The following ZNF33A variants were observed in gnomAD, a reference collection of about 807,000 sequenced individuals.
The protein encoded by ZNF33A is zinc finger protein 33A, also known as brain my041 protein.
Under a neutral mutation model 15.9 loss-of-function variants are expected in ZNF33A, and 9 were observed. That is an observed-to-expected ratio of 0.57 (90% CI 0.34 to 0.99). The LOEUF (loss-of-function observed/expected upper bound fraction) is 0.99. Ranked by LOEUF, ZNF33A falls within the 50% of genes least tolerant of loss-of-function variation. ZNF33A has a pLI of 0.02. For synonymous variants in ZNF33A, 294 were observed against 324.2 expected, an observed-to-expected ratio of 0.91 and a Z score of 1.00; for missense variants, 843 against 941.6, an observed-to-expected ratio of 0.90 and a Z score of 1.37.
At chr10:38,019,449 T>A (rs1257089093) in intron 4 of ZNF33A, among the ~76,000 whole-genome samples, 1 of 152,182 alleles carries the variant, frequency 6.6e-6, no homozygotes, top group African/African-American at 2.4e-5. Flanking sequence ...TAAACATACG[T>A]GTGCATGTGT....
At chr10:38,064,078 T>C (rs577175107), downstream of ZNF33A, 21 of 1,596,854 alleles carry the variant, frequency 1.3e-5, no homozygotes, top group South Asian at 2.3e-4. Flanking sequence ...CCATCCTTAC[T>C]CCCTCCCAGG....
At chr10:38,012,532 A>G (rs1415641806) in intron 2 of ZNF33A, among the ~76,000 whole-genome samples, 182 bp downstream of exon 2, 1 of 149,256 alleles carries the variant, frequency 6.7e-6, no homozygotes, top group Non-Finnish European at 1.5e-5. Flanking sequence ...CCCGGGTTCA[A>G]GCAATTCTCC....
chr10:38,039,958 A>G (rs770128735), intron 4 of ZNF33A, among the ~76,000 whole-genome samples: 6 of 151,650 alleles, frequency 4.0e-5, no homozygotes, highest in Non-Finnish European at 5.9e-5. Context: ...TAAGGTGGAA[A>G]ATTAGTTTAC....
intron 4 of ZNF33A, among the ~76,000 whole-genome samples, chr10:38,025,128 T>C (rs11011426): frequency 0.098 from 14,879 of 152,298 alleles, 961 homozygotes; most frequent in Admixed American, 0.18. Flanking sequence ...GGCTCAATAC[T>C]ATCTGAGGTT....
At chr10:38,028,182 C>A (rs2065060314) in intron 4 of ZNF33A, among the ~76,000 whole-genome samples, 1 of 151,938 alleles carries the variant, frequency 6.6e-6, no homozygotes, top group Non-Finnish European at 1.5e-5. Context: ...GGAGGAGGAT[C>A]CCTTGAGCCC....
At chr10:38,051,485 T>C (rs1357752973) in intron 4 of ZNF33A, among the ~76,000 whole-genome samples, 1 of 152,122 alleles carries the variant, frequency 6.6e-6, no homozygotes, top group Non-Finnish European at 1.5e-5. Context: ...CAAGAATACA[T>C]GTTACTTTCA....
chr10:38,012,281 C>T lies in ZNF33A; in HGVS notation c.-44-17C>T. On this transcript the variant is annotated splice_polypyrimidine_tract_variant and intron_variant, in intron 1 of 4. Coordinates refer to ENST00000432900, the MANE Select transcript of ZNF33A (RefSeq NM_006954.2). Reference sequence around the variant, plus strand: ...GGCCAAATCTTTCATGACCCCATTCCTCTTTTTCTAACTCAGCTGTATCTT... The same window carrying T: ...GGCCAAATCTTTCATGACCCCATTCTTCTTTTTCTAACTCAGCTGTATCTT... 1 of 1,608,622 alleles carries T rather than the reference C, an allele frequency of 6.2e-7. No homozygotes were observed.
chr10:38,024,830 A>C (rs2064910473), intron 4 of ZNF33A, among the ~76,000 whole-genome samples: 1 of 152,244 alleles, frequency 6.6e-6, no homozygotes, highest in South Asian at 2.1e-4. Flanking sequence ...GAAATTTTGC[A>C]CTGTCCTGTC....
intron 4 of ZNF33A, among the ~76,000 whole-genome samples, chr10:38,024,398 T>G (rs2064894836): frequency 6.6e-6 from 1 of 152,110 alleles, no homozygotes. Context: ...AAAATGCTGA[T>G]GAAAGAAATA....
chr10:38,035,111 CTTTTTTTTTT>C (rs71007683), intron 4 of ZNF33A, among the ~76,000 whole-genome samples: 2 of 85,772 alleles, frequency 2.3e-5, no homozygotes, highest in Non-Finnish European at 4.0e-5. Flanking sequence ...CATTTACTTT[CTTTTTTTTTT>C]TTTTTTTTTT....
chr10:38,019,392 A>G (rs982453833), intron 4 of ZNF33A, among the ~76,000 whole-genome samples: 1 of 152,128 alleles, frequency 6.6e-6, no homozygotes, highest in African/African-American at 2.4e-5. Flanking sequence ...TTGTTGTTGG[A>G]CATTTGGGTT....
chr10:38,041,953 G>A (rs895803110), intron 4 of ZNF33A, among the ~76,000 whole-genome samples: 3 of 151,992 alleles, frequency 2.0e-5, no homozygotes, highest in Admixed American at 6.6e-5. Context: ...ATCTTCTTAA[G>A]TTTCCTCCCC....
chr10:38,042,487 A>AT (rs1293535670), intron 4 of ZNF33A, among the ~76,000 whole-genome samples: 3 of 105,894 alleles, frequency 2.8e-5, no homozygotes, highest in Non-Finnish European at 4.0e-5. Context: ...CAGCCACTCT[A>AT]TTTTTTTGCT....
intron 4 of ZNF33A, among the ~76,000 whole-genome samples, chr10:38,054,037 C>T (rs762161928): frequency 1.3e-5 from 2 of 152,302 alleles, no homozygotes; most frequent in Non-Finnish European, 2.9e-5. Flanking sequence ...ATTTGCTCCA[C>T]TTATGGTGAC....
rs1442102243 is a variant in ZNF33A, at chr10:38,056,766, C to T, written c.*206C>T. On this transcript the variant is annotated 3_prime_UTR_variant, in exon 5 of 5. Coordinates refer to ENST00000432900, the MANE Select transcript of ZNF33A (RefSeq NM_006954.2). The stretch of plus-strand genomic sequence containing the variant: ...AAATAAGGTTATGTTAGAATTTACA[C>T]TGAGGAGAAAATTGTCAATTTAAGA... 1.6e-6 allele frequency: 2 copies of T among 1,225,990 alleles called. No homozygotes were observed. The highest frequency in any genetic ancestry group is 6.5e-5 in the East Asian group (2 of 30,858). 75.9% of individuals were successfully genotyped at this position (1,225,990 alleles called of 1,614,324 possible).
In ZNF33A at chr10:38,054,505, T is replaced by G; in HGVS notation, c.381T>G (p.Asn127Lys). Residue 127 changes from asparagine to lysine, a missense_variant, in exon 5 of 5, where the codon AAT (asparagine) becomes AAG (lysine). Asn to Lys is a moderately conservative substitution (Grantham distance 94). Coordinates refer to ENST00000432900, the MANE Select transcript of ZNF33A (RefSeq NM_006954.2). ...GTGATGTAATAGGAATACCATTTAA[T>G]GTGGATGTAAGTTCTTTTCCTTCCA... ...EQGDVIGIPF[N>K]VDVSSFPSRK... 6.2e-7 allele frequency: 1 copy of G among 1,613,276 alleles called. No homozygotes were observed. The highest frequency in any genetic ancestry group is 8.5e-7 in the Non-Finnish European group (1 of 1,179,750).
chr10:38,062,531 C>T (rs571944217), downstream of ZNF33A, among the ~76,000 whole-genome samples: 70 of 152,186 alleles, frequency 4.6e-4, 1 homozygote, highest in Non-Finnish European at 5.3e-4. Context: ...ATTATGAGTG[C>T]GTGTGTATGG....
At chr10:38,065,610 G>A (rs921068301), downstream of ZNF33A, among the ~76,000 whole-genome samples, 5 of 152,112 alleles carry the variant, frequency 3.3e-5, no homozygotes, top group East Asian at 3.9e-4. Context: ...GGCAGATCCA[G>A]CCTCATTCTA....
Position 38,055,410 on chromosome 10 carries a change from C to T in ZNF33A, c.1286C>T (p.Thr429Ile). The T allele has an allele frequency of 1.2e-6, 2 of 1,614,032 alleles. No homozygotes were observed. Among genetic ancestry groups the T allele is most frequent in the Non-Finnish European group, 1.7e-6 (2 of 1,179,984 alleles). The stretch of plus-strand genomic sequence containing the variant: ...ACTTTTTGCCAGAAATCTGACCTCA[C>T]TAAACATCAGAGAACACACACAGGG... ...GKTFCQKSDL[T>I]KHQRTHTGLK... The change falls in exon 5 of 5, where the codon ACT (threonine) becomes ATT (isoleucine). Residue 429 changes from threonine (T) to isoleucine (I), a missense_variant. Coordinates refer to ENST00000432900, the MANE Select transcript of ZNF33A (RefSeq NM_006954.2).
Sources: gnomAD v4.1 joint callset for allele counts (sites outside exome capture counted in the v4.1 genomes callset) on GRCh38, gnomAD v4.1.1 for gene constraint, MANE v1.5 for transcripts, NCBI Gene and HGNC (gene_info 2026-07-23, HGNC 2026-07-21) for gene names.